HEMK2: variants seen among roughly 807,000 people sequenced by gnomAD.
HEMK2 encodes methyltransferase HEMK2.
the HEMK2 span, among the ~76,000 whole-genome samples, chr21:28,606,016 A>T: frequency 2.6e-5 from 4 of 152,192 alleles, no homozygotes; most frequent in South Asian, 4.1e-4. Flanking sequence ...CAACACACAC[A>T]CACACATACA....
chr21:28,830,767 C>G, the HEMK2 span, among the ~76,000 whole-genome samples: 1 of 151,506 alleles, frequency 6.6e-6, no homozygotes, highest in Non-Finnish European at 1.5e-5. Flanking sequence ...ATCCCAGCTA[C>G]TTGGGAGGCT....
chr21:28,796,717 A>G, the HEMK2 span, among the ~76,000 whole-genome samples: 1 of 152,164 alleles, frequency 6.6e-6, no homozygotes, highest in African/African-American at 2.4e-5. Flanking sequence ...GGTACATGCC[A>G]CTATACTCAG....
At chr21:28,857,506 T>C in the HEMK2 span, among the ~76,000 whole-genome samples, 1 of 152,180 alleles carries the variant, frequency 6.6e-6, no homozygotes. Context: ...AGAGAAATAA[T>C]TTGTCTCTCA....
chr21:28,714,373 G>C, the HEMK2 span, among the ~76,000 whole-genome samples: 1 of 152,104 alleles, frequency 6.6e-6, no homozygotes, highest in Non-Finnish European at 1.5e-5. Flanking sequence ...GCCCATTGAG[G>C]CCTATTAATT....
At chr21:28,651,584 C>A in the HEMK2 span, among the ~76,000 whole-genome samples, 1 of 152,164 alleles carries the variant, frequency 6.6e-6, no homozygotes, top group African/African-American at 2.4e-5. Flanking sequence ...ATACCTATCA[C>A]AAGAATGATT....
the HEMK2 span, among the ~76,000 whole-genome samples, chr21:28,877,753 A>C: frequency 6.6e-6 from 1 of 152,184 alleles, no homozygotes; most frequent in Non-Finnish European, 1.5e-5. Context: ...AGGAAAGATT[A>C]TGGTCAATTT....
chr21:28,656,177 G>C, the HEMK2 span, among the ~76,000 whole-genome samples: 5 of 151,972 alleles, frequency 3.3e-5, no homozygotes, highest in South Asian at 4.1e-4. Flanking sequence ...TCTTAACTAG[G>C]GGGGGAAGCC....
chr21:28,697,778 C>CAAAAAAAAAA, the HEMK2 span, among the ~76,000 whole-genome samples: 1,707 of 79,094 alleles, frequency 0.022, 47 homozygotes, highest in Non-Finnish European at 0.026. Flanking sequence ...ATCATGAGCC[C>CAAAAAAAAAA]AAAAAAAAAA....
chr21:28,619,012 C>G, the HEMK2 span, among the ~76,000 whole-genome samples: 105,812 of 151,978 alleles, frequency 0.7, 37,050 homozygotes, highest in East Asian at 0.78. Flanking sequence ...AGGTCACTAG[C>G]GTAGGCCTTA....
the HEMK2 span, among the ~76,000 whole-genome samples, chr21:28,860,025 T>C: frequency 0.06 from 9,188 of 152,204 alleles, 319 homozygotes; most frequent in Middle Eastern, 0.088. Flanking sequence ...TCTCAGCACA[T>C]GTGTATAGGC....
the HEMK2 span, chr21:28,878,153 G>A: frequency 2.0e-6 from 3 of 1,480,504 alleles, no homozygotes; most frequent in South Asian, 2.5e-5. Flanking sequence ...TTTGATTTCA[G>A]CAACATAAAT....
the HEMK2 span, among the ~76,000 whole-genome samples, chr21:28,843,681 T>C: frequency 6.6e-6 from 1 of 152,128 alleles, no homozygotes; most frequent in African/African-American, 2.4e-5. Flanking sequence ...AAACATGAAA[T>C]TTTCTGTGCA....
chr21:28,815,867 T>C, the HEMK2 span, among the ~76,000 whole-genome samples: 31 of 152,134 alleles, frequency 2.0e-4, no homozygotes, highest in African/African-American at 6.5e-4. Context: ...ACTGCATTAT[T>C]ATGGCCCCCT....
the HEMK2 span, among the ~76,000 whole-genome samples, chr21:28,720,841 A>G: frequency 6.6e-6 from 1 of 152,182 alleles, no homozygotes; most frequent in Non-Finnish European, 1.5e-5. Flanking sequence ...AGCTGGAGAA[A>G]CACCAGACAA....
At chr21:28,692,698 T>C in the HEMK2 span, among the ~76,000 whole-genome samples, 5 of 152,198 alleles carry the variant, frequency 3.3e-5, no homozygotes, top group Non-Finnish European at 5.9e-5. Flanking sequence ...ATGCAAAAAC[T>C]TGTATATGAA....
chr21:28,796,140 T>C, the HEMK2 span, among the ~76,000 whole-genome samples: 2 of 152,200 alleles, frequency 1.3e-5, no homozygotes, highest in Non-Finnish European at 2.9e-5. Flanking sequence ...TATTTTATTT[T>C]ATTTTATGTT....
chr21:28,838,157 TAAAG>T, the HEMK2 span, among the ~76,000 whole-genome samples: 1 of 152,044 alleles, frequency 6.6e-6, no homozygotes, highest in South Asian at 2.1e-4. Flanking sequence ...TTTCACAAGA[TAAAG>T]AAAGAAGGAA....
At chr21:28,641,814 G>A in the HEMK2 span, among the ~76,000 whole-genome samples, 2 of 152,150 alleles carry the variant, frequency 1.3e-5, no homozygotes, top group South Asian at 4.1e-4. Flanking sequence ...ACCAGGGATG[G>A]ATCCAAAAAC....
chr21:28,873,334 G>A, the HEMK2 span: 2 of 152,182 alleles, frequency 1.3e-5, no homozygotes, highest in Non-Finnish European at 2.9e-5. Context: ...AAGGAAATGA[G>A]AAGAAAACAA....
Sources: gnomAD v4.1 joint callset for allele counts (sites outside exome capture counted in the v4.1 genomes callset) on GRCh38, gnomAD v4.1.1 for gene constraint, MANE v1.5 for transcripts, NCBI Gene and HGNC (gene_info 2026-07-23, HGNC 2026-07-21) for gene names.